The following CDH18 variants were observed in gnomAD, a reference collection of about 807,000 sequenced individuals.
CDH18 encodes cadherin 18.
A neutral mutation model predicts 67.9 loss-of-function variants in CDH18; 31 were observed. The observed-to-expected ratio is 0.46, with a 90% CI of 0.34 to 0.62. CDH18 has a LOEUF of 0.62. Ranked by LOEUF, CDH18 falls within the 20% of genes least tolerant of loss-of-function variation. The probability of loss-of-function intolerance (pLI) is 0.01; values close to 1 mark genes in which losing one functional copy is unlikely to be tolerated. For synonymous variants in CDH18, 362 were observed against 347.2 expected, an observed-to-expected ratio of 1.04 and a Z score of -0.48; for missense variants, 890 against 975.5, an observed-to-expected ratio of 0.91 and a Z score of 1.17.
chr5:19,626,353 G>A (rs1015121409), intron 5 of CDH18, among the ~76,000 whole-genome samples: 4 of 152,218 alleles, frequency 2.6e-5, no homozygotes, highest in African/African-American at 9.6e-5. Context: ...AAAAACAGAT[G>A]TGCGAAAGAA....
intron 10 of CDH18, among the ~76,000 whole-genome samples, chr5:19,512,205 C>T (rs191853058): frequency 3.2e-4 from 49 of 152,140 alleles, no homozygotes; most frequent in African/African-American, 1.2e-3. Context: ...CATTGTTGTG[C>T]CATATTATGA....
intron 2 of CDH18, among the ~76,000 whole-genome samples, chr5:20,068,645 G>C (rs577433919): frequency 6.6e-5 from 10 of 151,968 alleles, no homozygotes; most frequent in Non-Finnish European, 1.2e-4. Flanking sequence ...TTAAAATAAG[G>C]ATAATAAAGA....
intron 5 of CDH18, among the ~76,000 whole-genome samples, chr5:19,693,035 A>AT (rs1361398546): frequency 6.6e-6 from 1 of 152,050 alleles, no homozygotes; most frequent in African/African-American, 2.4e-5. Context: ...AATAAGGCTT[A>AT]TATACACAAT....
chr5:19,968,339 T>C (rs1244158335), intron 2 of CDH18, among the ~76,000 whole-genome samples: 44 of 151,862 alleles, frequency 2.9e-4, no homozygotes, highest in Non-Finnish European at 4.4e-4. Context: ...TGAAAAAAAA[T>C]TACTTTAAAG....
intron 1 of CDH18, among the ~76,000 whole-genome samples, chr5:20,375,634 A>T (rs1174433594): frequency 2.0e-5 from 3 of 152,168 alleles, no homozygotes; most frequent in Non-Finnish European, 4.4e-5. Context: ...CTGAGGTGTG[A>T]CTGTCAATTC....
At chr5:20,081,008 A>T (rs1024301966) in intron 2 of CDH18, among the ~76,000 whole-genome samples, 2 of 152,114 alleles carry the variant, frequency 1.3e-5, no homozygotes, top group East Asian at 1.9e-4. Flanking sequence ...TAAGATTTTT[A>T]AAAAAGATTT....
chr5:19,497,358 C>G lies in CDH18; in HGVS notation c.1630+5634G>C, dbSNP rs188052267. On this transcript the variant is annotated intron_variant, in intron 11 of 12. Transcript: ENST00000382275. ...AATGGATGTATTTGTTCTTATAGGA[C>G]TGTTGCTTCCTTAAGCAGTTCATTA... Among the ~76,000 whole-genome samples the G allele has an allele frequency of 1.6e-3, 249 of 152,306 alleles. 1 individual carries two copies. Among genetic ancestry groups the G allele is most frequent in the Middle Eastern group, 0.01 (3 of 294 alleles).
At chr5:20,426,486 CTT>C (rs1196745086) in intron 1 of CDH18, among the ~76,000 whole-genome samples, 5 of 151,028 alleles carry the variant, frequency 3.3e-5, no homozygotes, top group Non-Finnish European at 7.4e-5. Flanking sequence ...TCAACAAAAA[CTT>C]TTTAAAAGAA....
chr5:19,619,385 G>A (rs1750346514), intron 5 of CDH18, among the ~76,000 whole-genome samples: 1 of 152,166 alleles, frequency 6.6e-6, no homozygotes, highest in Non-Finnish European at 1.5e-5. Context: ...AGACTTCAGA[G>A]ACCATAGTGA....
At chr5:19,802,772 T>C (rs1469849978) in intron 3 of CDH18, among the ~76,000 whole-genome samples, 2 of 152,214 alleles carry the variant, frequency 1.3e-5, no homozygotes, top group African/African-American at 4.8e-5. Context: ...AATGCTCTTG[T>C]CTGGAGCTTT....
chr5:19,559,440 T>C (rs1212186694), intron 8 of CDH18, among the ~76,000 whole-genome samples: 3 of 152,050 alleles, frequency 2.0e-5, no homozygotes, highest in Admixed American at 6.6e-5. Flanking sequence ...ATTATCTCAA[T>C]AGATGCAGTA....
intron 2 of CDH18, among the ~76,000 whole-genome samples, chr5:20,136,571 G>A (rs977877909): frequency 6.6e-6 from 1 of 152,112 alleles, no homozygotes; most frequent in African/African-American, 2.4e-5. Flanking sequence ...TTTAATTGGA[G>A]CATTTAGCCC....
intron 1 of CDH18, among the ~76,000 whole-genome samples, chr5:20,421,299 C>T (rs1419525209): frequency 6.6e-6 from 1 of 150,986 alleles, no homozygotes; most frequent in African/African-American, 2.5e-5. Context: ...CAACAGGTTC[C>T]TCCTTGGCTA....
At chr5:19,774,014 TTCTC>T (rs1366752282) in intron 3 of CDH18, among the ~76,000 whole-genome samples, 1 of 152,178 alleles carries the variant, frequency 6.6e-6, no homozygotes, top group Non-Finnish European at 1.5e-5. Flanking sequence ...ACTCTACTAT[TTCTC>T]TATATAGCTA....
chr5:19,921,098 C>T (rs1031501376), intron 2 of CDH18, among the ~76,000 whole-genome samples: 1 of 151,918 alleles, frequency 6.6e-6, no homozygotes, highest in African/African-American at 2.4e-5. Flanking sequence ...AAAAGCTAGA[C>T]ACAAAAAAAT....
intron 3 of CDH18, among the ~76,000 whole-genome samples, chr5:19,787,056 A>G (rs544091059): frequency 2.6e-5 from 4 of 152,276 alleles, no homozygotes; most frequent in Admixed American, 2.6e-4. Context: ...GGACTGGGAA[A>G]TGCCCGCTGA....
At chr5:20,278,658 A>T (rs2126688870) in intron 1 of CDH18, among the ~76,000 whole-genome samples, 1 of 152,318 alleles carries the variant, frequency 6.6e-6, no homozygotes, top group South Asian at 2.1e-4. Context: ...CTTCAGTATA[A>T]AAAATAAAAG....
intron 2 of CDH18, among the ~76,000 whole-genome samples, chr5:20,235,740 T>C (rs1248344919): frequency 6.6e-6 from 1 of 152,050 alleles, no homozygotes; most frequent in African/African-American, 2.4e-5. Flanking sequence ...AACTGAGAAT[T>C]GAACTACCAT....
intron 1 of CDH18, among the ~76,000 whole-genome samples, chr5:19,981,614 A>T (rs921224156): frequency 1.3e-5 from 2 of 152,204 alleles, no homozygotes; most frequent in African/African-American, 4.8e-5. Context: ...AAAAGATGCC[A>T]CTTCTCAAAA....
Sources: allele counts gnomAD v4.1 joint callset (sites outside exome capture counted in the v4.1 genomes callset), GRCh38; gene constraint gnomAD v4.1.1; transcripts MANE v1.5; gene names NCBI Gene and HGNC (gene_info 2026-07-23, HGNC 2026-07-21).